Variants in NEDD9 observed in about 807,000 individuals in gnomAD.
The protein encoded by NEDD9 is enhancer of filamentation 1.
A neutral mutation model predicts 76.6 loss-of-function variants in NEDD9; 26 were observed. The observed-to-expected ratio is 0.34, with a 90% CI of 0.25 to 0.47. The LOEUF (loss-of-function observed/expected upper bound fraction) is 0.47, where lower values mean the gene tolerates loss of function less well. Among genes scored for constraint, NEDD9 ranks in the 20% least tolerant of loss-of-function variants. NEDD9 has a pLI of 1.00. For missense variants in NEDD9, 937 were observed against 1,058.5 expected, an observed-to-expected ratio of 0.89 and a Z score of 1.59; for synonymous variants, 392 against 414.2, an observed-to-expected ratio of 0.95 and a Z score of 0.65.
chr6:11,227,270 T>C (rs1323018813), intron 1 of NEDD9, among the ~76,000 whole-genome samples: 3 of 152,196 alleles, frequency 2.0e-5, no homozygotes, highest in African/African-American at 7.2e-5. Flanking sequence ...CACCAAGTCT[T>C]GAGTACATAC....
intron 3 of NEDD9, among the ~76,000 whole-genome samples, chr6:11,253,853 A>G (rs916389958): frequency 9.2e-5 from 14 of 152,348 alleles, no homozygotes; most frequent in African/African-American, 3.4e-4. Flanking sequence ...CAGGCAGACA[A>G]ACAAGGATAC....
intron 3 of NEDD9, among the ~76,000 whole-genome samples, chr6:11,240,109 A>G (rs1759684063): frequency 6.6e-6 from 1 of 151,984 alleles, no homozygotes; most frequent in Non-Finnish European, 1.5e-5. Flanking sequence ...GTCTTCTAAA[A>G]AAGCTCCTTG....
chr6:11,219,814 G>A (rs1057166640), intron 1 of NEDD9, among the ~76,000 whole-genome samples: 1 of 152,224 alleles, frequency 6.6e-6, no homozygotes, highest in African/African-American at 2.4e-5. Context: ...AGAGGGGGAT[G>A]TGGGCTTTCC....
intron 3 of NEDD9, among the ~76,000 whole-genome samples, chr6:11,284,160 A>C (rs943715254): frequency 6.6e-6 from 1 of 152,134 alleles, no homozygotes; most frequent in African/African-American, 2.4e-5. Flanking sequence ...AGATTTGCCT[A>C]TCATGGTGAG....
At chr6:11,345,548 G>A (rs55738037) in intron 1 of NEDD9, among the ~76,000 whole-genome samples, 2 of 152,090 alleles carry the variant, frequency 1.3e-5, no homozygotes, top group East Asian at 1.9e-4. Flanking sequence ...CAGGATCTCC[G>A]CACATCCCTA....
intron 2 of NEDD9, among the ~76,000 whole-genome samples, chr6:11,205,614 T>C (rs1057308448): frequency 6.6e-6 from 1 of 152,022 alleles, no homozygotes; most frequent in Non-Finnish European, 1.5e-5. Flanking sequence ...CAAATGTTAC[T>C]GGAGTTACAT....
At chr6:11,230,211 T>G (rs1759428018) in intron 1 of NEDD9, among the ~76,000 whole-genome samples, 1 of 152,242 alleles carries the variant, frequency 6.6e-6, no homozygotes, top group Non-Finnish European at 1.5e-5. Context: ...GCAGGAATAC[T>G]TGGGATGAAA....
chr6:11,184,814 T>TA lies in NEDD9; in HGVS notation c.*347dup, dbSNP rs1272054918. On this transcript the variant is annotated 3_prime_UTR_variant, in exon 7 of 7. Transcript: ENST00000379446. ...AAAAAATGCAGCATTAGAAGGTGCT[T>TA]ACTAAGGTGCTTCGTAATTCATGGT... 3 of 187,362 alleles carry TA rather than the reference T, an allele frequency of 1.6e-5. No individual in the cohort carries two copies. The highest frequency in any genetic ancestry group is 7.1e-5 in the African/African-American group (3 of 42,258). The allele number at this position is 187,362 out of a possible 1,614,324, so 11.6% of individuals were successfully genotyped here.
chr6:11,319,738 G>A (rs1461474181), intron 2 of NEDD9, among the ~76,000 whole-genome samples: 1 of 120,480 alleles, frequency 8.3e-6, no homozygotes, highest in Non-Finnish European at 1.6e-5. Flanking sequence ...ACACTAACAT[G>A]CACACACACA....
At chr6:11,325,963 T>C (rs1325991040) in intron 2 of NEDD9, among the ~76,000 whole-genome samples, 2 of 152,090 alleles carry the variant, frequency 1.3e-5, no homozygotes, top group Non-Finnish European at 2.9e-5. Flanking sequence ...CTGGCCAACA[T>C]GGCGAAACCC....
upstream of NEDD9, among the ~76,000 whole-genome samples, chr6:11,236,579 G>A (rs900676028): frequency 5.3e-5 from 8 of 152,158 alleles, no homozygotes; most frequent in Non-Finnish European, 2.9e-5. This position sits in a 1 kb window ranked among gnomAD's most constrained non-coding sequence, Gnocchi z 5.5. Flanking sequence ...TCATAGAGAG[G>A]GCAGAGCTGT....
chr6:11,346,551 G>T (rs1376429861), intron 1 of NEDD9, among the ~76,000 whole-genome samples: 1 of 151,344 alleles, frequency 6.6e-6, no homozygotes, highest in African/African-American at 2.4e-5. Flanking sequence ...GGATACACTA[G>T]AATTCCCAGG....
At position 11,198,494 on chromosome 6, in the gene NEDD9, G is replaced by A. The variant is rs1758346774; in HGVS notation, c.460-4802C>T. ...TTTAATTGATTTTCAAGGCCCGGCT[G>A]AATGCCTTTCCCCCACCAAGCCCTT... On this transcript the variant is annotated intron_variant, in intron 2 of 6. Transcript: ENST00000379446. The surrounding 1 kb of genome is among the most constrained non-coding windows in gnomAD (Gnocchi z 4.7). 6.6e-6 allele frequency: 1 copy of A among 152,220 alleles called. No homozygotes were observed. Among genetic ancestry groups the A allele is most frequent in the South Asian group, 2.1e-4 (1 of 4,818 alleles). The allele number at this position is 152,220 out of a possible 1,614,324, so 9.4% of individuals were successfully genotyped here. A position where few individuals can be genotyped will look rare whatever the true frequency, so the allele number is the denominator to read the frequency against.
At chr6:11,355,994 T>C (rs1192228625) in intron 1 of NEDD9, among the ~76,000 whole-genome samples, 1 of 152,218 alleles carries the variant, frequency 6.6e-6, no homozygotes, top group Non-Finnish European at 1.5e-5. Context: ...GTCCTGGGAT[T>C]GCAGGCGTGA....
chr6:11,185,845 C>T (rs1757967928), intron 6 of NEDD9, among the ~76,000 whole-genome samples, 174 bp from the exon 7 acceptor site: 2 of 152,246 alleles, frequency 1.3e-5, no homozygotes, highest in East Asian at 3.9e-4. Flanking sequence ...AAAATGTAGA[C>T]GTTGGGAAAG....
intron 3 of NEDD9, among the ~76,000 whole-genome samples, chr6:11,238,273 A>G (rs562706053): frequency 6.6e-6 from 1 of 152,316 alleles, no homozygotes; most frequent in Admixed American, 6.5e-5. Context: ...GCATGCGCCA[A>G]CTTACAGGGT....
intron 3 of NEDD9, among the ~76,000 whole-genome samples, chr6:11,288,026 G>T (rs1467139088): frequency 6.6e-6 from 1 of 152,210 alleles, no homozygotes; most frequent in East Asian, 1.9e-4. Context: ...AATGGTTTAG[G>T]TTCTTTCCAT....
At chr6:11,332,862 C>T (rs922194501) in intron 2 of NEDD9, among the ~76,000 whole-genome samples, 2 of 152,164 alleles carry the variant, frequency 1.3e-5, no homozygotes, top group Non-Finnish European at 2.9e-5. Context: ...AGCTTTTCAA[C>T]AAAGCCACAC....
chr6:11,355,038 C>T (rs1031632325), intron 1 of NEDD9, among the ~76,000 whole-genome samples: 2 of 152,176 alleles, frequency 1.3e-5, no homozygotes, highest in East Asian at 3.8e-4. Context: ...TTTTCTTTTA[C>T]TGGCAAGCTA....
Sources: allele counts gnomAD v4.1 joint callset (sites outside exome capture counted in the v4.1 genomes callset), GRCh38; gene constraint gnomAD v4.1.1; non-coding constraint Gnocchi (gnomAD v3.1); transcripts MANE v1.5; gene names NCBI Gene and HGNC (gene_info 2026-07-23, HGNC 2026-07-21).